Variants in DOK6 observed in about 807,000 individuals in gnomAD.
DOK6 encodes downstream of tyrosine kinase 6.
A neutral mutation model predicts 44.0 loss-of-function variants in DOK6; 22 were observed. The observed-to-expected ratio is 0.50, with a 90% CI of 0.36 to 0.71. DOK6 has a LOEUF of 0.71. Ranked by LOEUF, DOK6 falls within the 30% of genes least tolerant of loss-of-function variation. The probability of loss-of-function intolerance (pLI) is 0.00; values close to 1 mark genes in which losing one functional copy is unlikely to be tolerated. For missense variants in DOK6, 340 were observed against 416.4 expected (o/e 0.82, Z 1.60); for synonymous variants, 166 against 145.5 (o/e 1.14, Z -1.01).
intron 7 of DOK6, among the ~76,000 whole-genome samples, chr18:69,772,539 A>G (rs181814249): frequency 6.6e-6 from 1 of 152,236 alleles, no homozygotes; most frequent in East Asian, 1.9e-4. Flanking sequence ...ATGGAACATA[A>G]TAGCCCAGAA....
intron 7 of DOK6, among the ~76,000 whole-genome samples, chr18:69,772,507 ATAAAGT>A (rs1979917314): frequency 6.6e-6 from 1 of 152,078 alleles, no homozygotes; most frequent in African/African-American, 2.4e-5. Context: ...ACAATAAAAC[ATAAAGT>A]TAGACATATA....
intron 7 of DOK6, among the ~76,000 whole-genome samples, chr18:69,759,320 A>G (rs1030313244): frequency 6.6e-6 from 1 of 152,208 alleles, no homozygotes; most frequent in South Asian, 2.1e-4. Flanking sequence ...GATGAAAAAT[A>G]ATTTGAAAGT....
intron 4 of DOK6, among the ~76,000 whole-genome samples, chr18:69,696,143 T>C (rs1195247823): frequency 1.3e-5 from 2 of 152,192 alleles, no homozygotes; most frequent in African/African-American, 4.8e-5. Flanking sequence ...TTTACTTACT[T>C]GATTTTTTTC....
intron 7 of DOK6, among the ~76,000 whole-genome samples, chr18:69,803,515 T>C (rs1169751445): frequency 1.3e-5 from 2 of 152,218 alleles, no homozygotes; most frequent in Non-Finnish European, 2.9e-5. Context: ...TTACTCTTGA[T>C]AAATCTAATG....
At chr18:69,508,784 C>T (rs1981266428) in intron 1 of DOK6, among the ~76,000 whole-genome samples, 1 of 152,054 alleles carries the variant, frequency 6.6e-6, no homozygotes, top group African/African-American at 2.4e-5. Context: ...CAGTCTGTCT[C>T]AGGAATTCAT....
At chr18:69,449,738 G>C (rs1327739706) in intron 1 of DOK6, among the ~76,000 whole-genome samples, 2 of 151,872 alleles carry the variant, frequency 1.3e-5, no homozygotes, top group African/African-American at 4.8e-5. Flanking sequence ...GCCTCCTCAA[G>C]TGGGTCCCTG....
intron 6 of DOK6, among the ~76,000 whole-genome samples, chr18:69,744,547 G>T (rs1978916368): frequency 6.6e-6 from 1 of 151,956 alleles, no homozygotes; most frequent in Non-Finnish European, 1.5e-5. Context: ...ATGTGAAAAT[G>T]GATCTGTGAT....
intron 5 of DOK6, among the ~76,000 whole-genome samples, chr18:69,703,849 G>T (rs1457923700): frequency 6.6e-6 from 1 of 152,176 alleles, no homozygotes; most frequent in Non-Finnish European, 1.5e-5. Flanking sequence ...AGAGATGATA[G>T]GTCCTTTATA....
chr18:69,642,749 G>A (rs1599237220), intron 3 of DOK6, among the ~76,000 whole-genome samples: 1 of 152,096 alleles, frequency 6.6e-6, no homozygotes, highest in Non-Finnish European at 1.5e-5. Flanking sequence ...AGCCTGACAC[G>A]AGAAGGTACA....
At chr18:69,826,104 C>T (rs1427056492) in intron 7 of DOK6, among the ~76,000 whole-genome samples, 3 of 152,134 alleles carry the variant, frequency 2.0e-5, no homozygotes, top group Non-Finnish European at 2.9e-5. Flanking sequence ...AGCACCTCTC[C>T]TGTAGGCCTA....
At chr18:69,524,927 G>A (rs973210346) in intron 1 of DOK6, among the ~76,000 whole-genome samples, 3 of 151,742 alleles carry the variant, frequency 2.0e-5, no homozygotes, top group Admixed American at 1.3e-4. Flanking sequence ...ATTCACTGGA[G>A]AGATGAGAAA....
chr18:69,416,191 AAC>A (rs1281223178), intron 1 of DOK6, among the ~76,000 whole-genome samples: 2,369 of 142,432 alleles, frequency 0.017, 77 homozygotes, highest in African/African-American at 0.064. Flanking sequence ...CGAAGGAAGG[AAC>A]GAAGGAAGGA....
At chr18:69,424,086 A>G (rs1412032921) in intron 1 of DOK6, among the ~76,000 whole-genome samples, 2 of 152,098 alleles carry the variant, frequency 1.3e-5, no homozygotes, top group African/African-American at 4.8e-5. Context: ...TGGTTCATTC[A>G]TTTTTACTTC....
chr18:69,831,033 T>TA (rs1185382035), intron 7 of DOK6: 4 of 152,188 alleles, frequency 2.6e-5, no homozygotes, highest in Non-Finnish European at 4.4e-5. Flanking sequence ...AGAGGAGATC[T>TA]ATTATGGGAA....
rs532909289 is a variant in DOK6 at position 69,544,831 on chromosome 18, T to TA, written c.67-19647dup. 2.3e-4 allele frequency among the ~76,000 whole-genome samples: 35 copies of TA among 151,046 alleles called. 3 individuals are homozygous for TA. In the South Asian group the frequency reaches 5.7e-3, roughly 25 times the overall value. On this transcript the variant is annotated intron_variant, in intron 1 of 7. Coordinates refer to ENST00000382713, the MANE Select transcript of DOK6 (RefSeq NM_152721.6). ...ATATAGAGGCAAAAATATTTTGATT[T>TA]AAAAAAAAATTACAACCCGCCAGGT...
chr18:69,617,438 G>A (rs1599224308), intron 3 of DOK6, among the ~76,000 whole-genome samples: 1 of 149,964 alleles, frequency 6.7e-6, no homozygotes. Flanking sequence ...AAGAAAGAGG[G>A]AGGGAGAGAG....
intron 5 of DOK6, among the ~76,000 whole-genome samples, chr18:69,720,047 G>A (rs1986971459): frequency 6.6e-6 from 1 of 152,268 alleles, no homozygotes; most frequent in South Asian, 2.1e-4. Context: ...AAATTAGCCA[G>A]GTGTGGTGGC....
At chr18:69,674,801 C>A (rs1011104268) in intron 3 of DOK6, among the ~76,000 whole-genome samples, 1 of 152,110 alleles carries the variant, frequency 6.6e-6, no homozygotes, top group Admixed American at 6.6e-5. Flanking sequence ...ATATACTAAA[C>A]CCACCTGCCC....
Position 69,659,611 on chromosome 18 carries a change from G to A in DOK6, c.290-18123G>A, listed in dbSNP as rs867373154. Among the ~76,000 whole-genome samples, 146 of 152,160 alleles carry A rather than the reference G, an allele frequency of 9.6e-4. 1 individual carries two copies. Among genetic ancestry groups the A allele is most frequent in the African/African-American group, 3.4e-3 (140 of 41,528 alleles). ...CGTTAAATGCAGTAACTGGAGTGGA[G>A]GATCAGGATGGAGAGAAGACACACA... is the stretch of plus-strand genomic sequence containing the variant. On this transcript the variant is annotated intron_variant, in intron 3 of 7. Transcript: ENST00000382713.
Sources: allele counts gnomAD v4.1 joint callset (sites outside exome capture counted in the v4.1 genomes callset), GRCh38; gene constraint gnomAD v4.1.1; transcripts MANE v1.5; gene names NCBI Gene and HGNC (gene_info 2026-07-23, HGNC 2026-07-21).